The following PCDH9 variants were observed in gnomAD, a reference collection of about 807,000 sequenced individuals.
PCDH9 encodes protocadherin-9.
Under a neutral mutation model 70.6 loss-of-function variants are expected in PCDH9, and 24 were observed. The ratio of observed to expected loss-of-function variants is 0.34; its 90% CI spans 0.25 to 0.48. The LOEUF (loss-of-function observed/expected upper bound fraction) is 0.48, where lower values mean the gene tolerates loss of function less well. Among genes scored for constraint, PCDH9 ranks in the 20% least tolerant of loss-of-function variants. The pLI is 0.99. For missense variants in PCDH9, 1,281 were observed against 1,503.6 expected (o/e 0.85, Z 2.45); for synonymous variants, 562 against 558.5 (o/e 1.01, Z -0.09).
chr13:66,414,028 T>TC (rs1012737837), intron 4 of PCDH9, among the ~76,000 whole-genome samples: 7 of 152,054 alleles, frequency 4.6e-5, no homozygotes, highest in Non-Finnish European at 7.4e-5. Flanking sequence ...GGCTTTTTTT[T>TC]CATTGAAATA....
intron 4 of PCDH9, among the ~76,000 whole-genome samples, chr13:66,402,475 C>G (rs1957205162): frequency 6.6e-6 from 1 of 151,860 alleles, no homozygotes; most frequent in Non-Finnish European, 1.5e-5. Flanking sequence ...GAGTAAATGT[C>G]AGTGTAACTT....
chr13:67,183,956 T>A (rs893828561), intron 2 of PCDH9, among the ~76,000 whole-genome samples: 9 of 152,230 alleles, frequency 5.9e-5, no homozygotes, highest in Non-Finnish European at 1.0e-4. Flanking sequence ...CAGTAAATTT[T>A]CAGACATATT....
chr13:67,117,058 C>A (rs976001820), intron 2 of PCDH9, among the ~76,000 whole-genome samples: 2 of 151,750 alleles, frequency 1.3e-5, no homozygotes, highest in African/African-American at 4.8e-5. Context: ...TAGAATAGAT[C>A]CAATCAAAGA....
At chr13:66,631,887 T>TTTTGTTTG (rs528829293) in intron 3 of PCDH9, among the ~76,000 whole-genome samples, 2 of 151,996 alleles carry the variant, frequency 1.3e-5, no homozygotes, top group Non-Finnish European at 1.5e-5. Context: ...ACCACCTCCT[T>TTTTGTTTG]TTTGTTTGTT....
At chr13:66,677,210 C>T (rs2078255604) in intron 3 of PCDH9, among the ~76,000 whole-genome samples, 1 of 151,928 alleles carries the variant, frequency 6.6e-6, no homozygotes, top group African/African-American at 2.4e-5. Context: ...TTTATAAATG[C>T]TATCTAATCA....
intron 3 of PCDH9, among the ~76,000 whole-genome samples, chr13:66,648,970 T>C (rs1050439113): frequency 7.2e-5 from 11 of 152,006 alleles, no homozygotes; most frequent in African/African-American, 2.7e-4. Context: ...AGCAGAAGAA[T>C]TAGTGAGCTT....
At chr13:66,836,854 A>C (rs17081916) in intron 3 of PCDH9, among the ~76,000 whole-genome samples, 2,341 of 152,316 alleles carry the variant, frequency 0.015, 21 homozygotes, top group Non-Finnish European at 0.022. Context: ...ATCTGGAATA[A>C]GTGACTTTTT....
intron 2 of PCDH9, among the ~76,000 whole-genome samples, chr13:67,158,558 C>T (rs1452097319): frequency 1.3e-5 from 2 of 152,178 alleles, no homozygotes; most frequent in Non-Finnish European, 2.9e-5. Flanking sequence ...AGGAGAATCT[C>T]TCCCTCTGTC....
chr13:66,481,278 A>G (rs1958831227), intron 4 of PCDH9, among the ~76,000 whole-genome samples: 1 of 146,386 alleles, frequency 6.8e-6, no homozygotes, highest in African/African-American at 2.5e-5. Flanking sequence ...CGTTCTGTAC[A>G]TGTACCCCAG....
At chr13:67,018,937 T>TA (rs1407084857) in intron 2 of PCDH9, among the ~76,000 whole-genome samples, 1 of 152,148 alleles carries the variant, frequency 6.6e-6, no homozygotes, top group Non-Finnish European at 1.5e-5. Context: ...ATTTCACAAA[T>TA]ACCCAATCTT....
intron 3 of PCDH9, among the ~76,000 whole-genome samples, chr13:66,714,651 GAGTTA>G (rs1306897150): frequency 6.6e-6 from 1 of 152,050 alleles, no homozygotes; most frequent in African/African-American, 2.4e-5. Flanking sequence ...ATTAAACTAT[GAGTTA>G]AGTTGAGATT....
At chr13:66,760,698 G>A (rs1260268827) in intron 3 of PCDH9, among the ~76,000 whole-genome samples, 2 of 152,156 alleles carry the variant, frequency 1.3e-5, no homozygotes, top group Non-Finnish European at 2.9e-5. Flanking sequence ...ACTGCCTGCG[G>A]TGCCAGGCAG....
chr13:67,173,787 A>G (rs1017560300), intron 2 of PCDH9, among the ~76,000 whole-genome samples: 6 of 152,212 alleles, frequency 3.9e-5, no homozygotes, highest in African/African-American at 9.6e-5. Context: ...AGACAAAAAT[A>G]AAACAGAATC....
intron 4 of PCDH9, among the ~76,000 whole-genome samples, chr13:66,583,141 C>A (rs1453550334): frequency 6.7e-6 from 1 of 149,550 alleles, no homozygotes; most frequent in East Asian, 1.9e-4. Context: ...ATTTTGGCGT[C>A]ATGAACTATT....
intron 3 of PCDH9, among the ~76,000 whole-genome samples, chr13:66,835,691 C>A (rs1212469678): frequency 6.6e-6 from 1 of 152,080 alleles, no homozygotes; most frequent in Non-Finnish European, 1.5e-5. Flanking sequence ...TGTCTATAAA[C>A]ATCTGAATTA....
At position 66,634,571 on chromosome 13, in the gene PCDH9, A is replaced by G. The variant is rs150091355; in HGVS notation, c.3139-3160T>C. 6.5e-3 allele frequency among the ~76,000 whole-genome samples: 982 copies of G among 152,232 alleles called. 12 individuals are homozygous for G. The highest frequency in any genetic ancestry group is 0.023 in the African/African-American group (936 of 41,546). On this transcript the variant is annotated intron_variant, in intron 3 of 4. Coordinates refer to ENST00000377865, the MANE Select transcript of PCDH9 (RefSeq NM_203487.3). ...GAGTTCCTGGCCTTGAGAAATAGAA[A>G]ATAATACCTTGCCTGTGGAAGTGTT...
At chr13:66,757,212 T>A (rs1219076646) in intron 3 of PCDH9, among the ~76,000 whole-genome samples, 1 of 152,156 alleles carries the variant, frequency 6.6e-6, no homozygotes, top group Non-Finnish European at 1.5e-5. Flanking sequence ...CTAGAGCAAC[T>A]TTGAAAATTC....
At chr13:66,939,787 C>T (rs2082978990) in intron 2 of PCDH9, among the ~76,000 whole-genome samples, 1 of 151,990 alleles carries the variant, frequency 6.6e-6, no homozygotes, top group African/African-American at 2.4e-5. Context: ...ATGAAAATGA[C>T]TGATAGAAGA....
chr13:66,941,075 A>G (rs931980070), intron 2 of PCDH9, among the ~76,000 whole-genome samples: 4 of 151,894 alleles, frequency 2.6e-5, no homozygotes, highest in Non-Finnish European at 4.4e-5. Flanking sequence ...TTCAAAATAA[A>G]ATACAATTTT....
Sources: allele counts gnomAD v4.1 joint callset (sites outside exome capture counted in the v4.1 genomes callset), GRCh38; gene constraint gnomAD v4.1.1; transcripts MANE v1.5; gene names NCBI Gene and HGNC (gene_info 2026-07-23, HGNC 2026-07-21).